Variants in FGF14 observed in about 807,000 individuals in gnomAD.
FGF14 encodes the protein fibroblast growth factor homologous factor 4.
In FGF14, 5 loss-of-function variants were observed where a neutral mutation model predicts 25.5. The ratio of observed to expected loss-of-function variants is 0.20; its 90% confidence interval spans 0.10 to 0.41. The LOEUF (loss-of-function observed/expected upper bound fraction) is 0.41, where lower values mean the gene tolerates loss of function less well. Among genes scored for constraint, FGF14 ranks in the 10% least tolerant of loss-of-function variants. FGF14 has a pLI of 1.00. For missense variants in FGF14, 222 were observed against 320.1 expected (o/e 0.69, Z 2.34); for synonymous variants, 138 against 118.3 (o/e 1.17, Z -1.08).
intron 1 of FGF14, among the ~76,000 whole-genome samples, chr13:102,151,897 T>C (rs1187095493): frequency 1.3e-5 from 2 of 152,176 alleles, no homozygotes; most frequent in Non-Finnish European, 2.9e-5. Context: ...CTATAGCTTG[T>C]AATAACCTAG....
intron 1 of FGF14, among the ~76,000 whole-genome samples, chr13:101,945,510 TC>T (rs2035745423): frequency 6.6e-6 from 1 of 152,206 alleles, no homozygotes; most frequent in South Asian, 2.1e-4. Flanking sequence ...GAGACCTCTA[TC>T]TTGGCAGGGA....
chr13:101,919,892 C>G (rs1028978661), upstream of FGF14, among the ~76,000 whole-genome samples: 2 of 152,152 alleles, frequency 1.3e-5, no homozygotes, highest in African/African-American at 4.8e-5. Context: ...AGCGCCTGAA[C>G]AGCGGACTCC....
At chr13:102,152,585 T>G (rs918454462) in intron 1 of FGF14, among the ~76,000 whole-genome samples, 1 of 152,128 alleles carries the variant, frequency 6.6e-6, no homozygotes, top group Non-Finnish European at 1.5e-5. Context: ...GAGTGAGGAC[T>G]TCAACCTATG....
At chr13:102,228,238 A>C (rs1377687556) in intron 1 of FGF14, among the ~76,000 whole-genome samples, 1 of 152,186 alleles carries the variant, frequency 6.6e-6, no homozygotes, top group Non-Finnish European at 1.5e-5. Context: ...CTTCTCCACC[A>C]ACACAAAATG....
chr13:101,878,752 A>G (rs2138775072), intron 1 of FGF14, among the ~76,000 whole-genome samples: 1 of 152,278 alleles, frequency 6.6e-6, no homozygotes, highest in East Asian at 1.9e-4. Flanking sequence ...TACTAGGATA[A>G]AAAATGAAAC....
At chr13:101,898,527 A>G (rs1471928992) in intron 1 of FGF14, among the ~76,000 whole-genome samples, 1 of 152,200 alleles carries the variant, frequency 6.6e-6, no homozygotes, top group African/African-American at 2.4e-5. Context: ...CAAAAAATTC[A>G]AAGAATTTAC....
intron 1 of FGF14, among the ~76,000 whole-genome samples, chr13:102,331,803 T>C (rs945334747): frequency 2.0e-5 from 3 of 152,116 alleles, no homozygotes; most frequent in African/African-American, 7.2e-5. Flanking sequence ...CCTTACAATA[T>C]AAATGAGAAA....
Position 102,346,943 on chromosome 13 carries a change from A to G in FGF14, c.208+54528T>C, listed in dbSNP as rs74716463. Among the ~76,000 whole-genome samples the G allele has an allele frequency of 8.4e-3, 1,275 of 152,262 alleles. 16 individuals carry two copies. The highest frequency in any genetic ancestry group is 0.029 in the African/African-American group (1,216 of 41,548). The stretch of plus-strand genomic sequence containing the variant: ...ACAGCCATATTCTAATGGAGTGGAA[A>G]ACCACTTTCACGTGTCTTGCACTGA... On this transcript the variant is annotated intron_variant, in intron 1 of 4. Transcript: ENST00000376131.
intron 1 of FGF14, among the ~76,000 whole-genome samples, chr13:102,266,792 G>T (rs2053012232): frequency 6.6e-6 from 1 of 152,068 alleles, no homozygotes; most frequent in African/African-American, 2.4e-5. Flanking sequence ...AGAAAGAAAA[G>T]AGTGGAATAT....
intron 1 of FGF14, among the ~76,000 whole-genome samples, chr13:101,996,459 G>T (rs574455092): frequency 6.6e-5 from 10 of 152,184 alleles, no homozygotes; most frequent in African/African-American, 2.4e-4. Flanking sequence ...GGTGAAAAAT[G>T]ATGAGGAGAA....
At chr13:102,273,762 AG>A (rs2053366673) in intron 1 of FGF14, among the ~76,000 whole-genome samples, 1 of 151,978 alleles carries the variant, frequency 6.6e-6, no homozygotes, top group Admixed American at 6.6e-5. Flanking sequence ...CTGGCAACAT[AG>A]TGAGACTCCA....
intron 1 of FGF14, among the ~76,000 whole-genome samples, chr13:102,338,880 G>A (rs1380740408): frequency 1.3e-5 from 2 of 151,732 alleles, no homozygotes; most frequent in Non-Finnish European, 1.5e-5. Flanking sequence ...GCATGGTGGT[G>A]CGCACCTGTA....
intron 1 of FGF14, among the ~76,000 whole-genome samples, chr13:102,377,347 T>C (rs2058064266): frequency 1.3e-5 from 2 of 152,150 alleles, no homozygotes; most frequent in South Asian, 2.1e-4. Context: ...CTCAAAGTTT[T>C]TGAGATATTT....
At chr13:101,773,163 T>C (rs1306554025) in intron 3 of FGF14, among the ~76,000 whole-genome samples, 2 of 152,126 alleles carry the variant, frequency 1.3e-5, no homozygotes, top group Non-Finnish European at 2.9e-5. Context: ...CATTTTCTTC[T>C]CTCCACACTC....
At chr13:101,775,295 A>T (rs1177063094) in intron 3 of FGF14, among the ~76,000 whole-genome samples, 2 of 152,196 alleles carry the variant, frequency 1.3e-5, no homozygotes, top group African/African-American at 2.4e-5. Flanking sequence ...TGTCAAATGC[A>T]TTAACCCAAA....
upstream of FGF14, among the ~76,000 whole-genome samples, chr13:101,917,101 T>A (rs944173386): frequency 6.6e-6 from 1 of 151,510 alleles, no homozygotes; most frequent in African/African-American, 2.4e-5. Flanking sequence ...GCAGGGTCTC[T>A]GCGCGTCCGT....
At chr13:102,187,747 T>C (rs1285510331) in intron 1 of FGF14, among the ~76,000 whole-genome samples, 4 of 152,204 alleles carry the variant, frequency 2.6e-5, no homozygotes, top group African/African-American at 9.6e-5. Context: ...AGAAAAGCCA[T>C]AGTTACAGTT....
chr13:101,900,926 A>G (rs2031464617), intron 1 of FGF14, among the ~76,000 whole-genome samples: 1 of 152,154 alleles, frequency 6.6e-6, no homozygotes, highest in South Asian at 2.1e-4. Flanking sequence ...ATCATCTTCA[A>G]TATATAGGTT....
At chr13:102,337,492 A>C (rs1214227409) in intron 1 of FGF14, among the ~76,000 whole-genome samples, 1 of 152,216 alleles carries the variant, frequency 6.6e-6, no homozygotes, top group African/African-American at 2.4e-5. Context: ...CTCCTGATGG[A>C]AGATGCTGTG....
Sources: allele counts gnomAD v4.1 joint callset (sites outside exome capture counted in the v4.1 genomes callset), GRCh38; gene constraint gnomAD v4.1.1; transcripts MANE v1.5; gene names NCBI Gene and HGNC (gene_info 2026-07-23, HGNC 2026-07-21).